The following HYAL4 variants were observed in gnomAD, a reference collection of about 807,000 sequenced individuals.
The protein encoded by HYAL4 is hyaluronidase 4, also known as hyaluronidase-4.
Under a neutral mutation model 35.2 loss-of-function variants are expected in HYAL4, and 37 were observed. The ratio of observed to expected loss-of-function variants is 1.05; its 90% CI spans 0.81 to 1.38. The LOEUF is 1.38. HYAL4 is among the 40% of genes most tolerant of loss of function. The pLI, the probability that HYAL4 is intolerant of heterozygous loss-of-function variation, is 0.00. For missense variants in HYAL4, 572 were observed against 572.4 expected, an observed-to-expected ratio of 1.00 and a Z score of 0.01; for synonymous variants, 198 against 203.2, an observed-to-expected ratio of 0.97 and a Z score of 0.22.
the HYAL4 span, among the ~76,000 whole-genome samples, chr7:123,773,042 C>T: frequency 2.0e-5 from 3 of 152,096 alleles, no homozygotes; most frequent in Non-Finnish European, 4.4e-5. Flanking sequence ...TTTCTTATGT[C>T]ATTGGAACTT....
At chr7:123,771,246 C>T in the HYAL4 span, among the ~76,000 whole-genome samples, 1 of 152,138 alleles carries the variant, frequency 6.6e-6, no homozygotes, top group Non-Finnish European at 1.5e-5. Flanking sequence ...ACGATGTTAA[C>T]TGAATCTCAT....
chr7:123,832,088 A>T (rs1230698253), intron 1 of HYAL4, among the ~76,000 whole-genome samples: 1 of 152,120 alleles, frequency 6.6e-6, no homozygotes, highest in East Asian at 1.9e-4. Flanking sequence ...CTTGGGGTCA[A>T]ATGTCTCTAC....
At chr7:123,765,605 CA>C in the HYAL4 span, among the ~76,000 whole-genome samples, 1 of 151,918 alleles carries the variant, frequency 6.6e-6, no homozygotes. Flanking sequence ...CAATAGAAGG[CA>C]AATATTTATG....
At chr7:123,827,366 A>G (rs78629070), upstream of HYAL4, among the ~76,000 whole-genome samples, 2 of 152,272 alleles carry the variant, frequency 1.3e-5, no homozygotes, top group African/African-American at 2.4e-5. Context: ...GAAGTTGATT[A>G]TATTTGCCAG....
At chr7:123,821,870 T>C in the HYAL4 span, among the ~76,000 whole-genome samples, 3 of 152,172 alleles carry the variant, frequency 2.0e-5, no homozygotes, top group South Asian at 2.1e-4. Flanking sequence ...CCTACAGATA[T>C]CTAGTTTTCC....
chr7:123,868,749 C>G lies in HYAL4; in HGVS notation c.476C>G (p.Ser159Ter). Residue 159 changes from serine to a stop codon, truncating the protein, a stop_gained, in exon 3 of 5, where the codon TCA becomes TGA. Coordinates refer to ENST00000223026, the MANE Select transcript of HYAL4 (RefSeq NM_012269.3). LOFTEE classifies it high-confidence loss of function. ...CCACAGTGGGCCCGGAACTGGAACT[C>G]AAAAGATGTTTACAGACAGAAGTCA... ...WRPQWARNWN[S>*]KDVYRQKSRK... 1.2e-6 allele frequency: 2 copies of G among 1,613,996 alleles called. No homozygotes were observed. The highest frequency in any genetic ancestry group is 1.7e-6 in the Non-Finnish European group (2 of 1,179,994).
At chr7:123,798,251 C>T in the HYAL4 span, among the ~76,000 whole-genome samples, 5 of 152,278 alleles carry the variant, frequency 3.3e-5, no homozygotes, top group Admixed American at 2.6e-4. Flanking sequence ...GAAGTAAGGT[C>T]AAGTGATTAC....
the HYAL4 span, chr7:123,819,574 A>C: frequency 1.3e-5 from 2 of 152,180 alleles, no homozygotes; most frequent in African/African-American, 4.8e-5. Flanking sequence ...AGGGTCTAAC[A>C]TTGAGCACCT....
In HYAL4 at chr7:123,868,920, G is replaced by T. The variant is rs1167541776; in HGVS notation, c.647G>T (p.Gly216Val). The T allele has an allele frequency of 6.2e-7, 1 of 1,614,152 alleles. No individual in the cohort carries two copies. The highest frequency in any genetic ancestry group is 8.5e-7 in the Non-Finnish European group (1 of 1,180,022). ...GIKSRPKGLW[G>V]YYLYPDCHNY... ...AAGAGCCGACCCAAAGGCCTTTGGG[G>T]TTATTATTTATATCCTGATTGCCAC... The change falls in exon 3 of 5, where the codon GGT becomes GTT. Residue 216 changes from glycine (G) to valine (V), a missense_variant. Coordinates refer to ENST00000223026, the MANE Select transcript of HYAL4 (RefSeq NM_012269.3).
chr7:123,848,403 A>G (rs1337446927), intron 2 of HYAL4, among the ~76,000 whole-genome samples: 4 of 152,228 alleles, frequency 2.6e-5, no homozygotes. Context: ...TTTATTTATT[A>G]TAAATCTACA....
intron 4 of HYAL4, 59 bp downstream of exon 4, chr7:123,874,909 T>C: frequency 9.9e-7 from 1 of 1,012,192 alleles, no homozygotes; most frequent in East Asian, 2.4e-5. Flanking sequence ...TTCTCTGCTT[T>C]CTTGGAGAGC....
At chr7:123,811,268 C>G in the HYAL4 span, among the ~76,000 whole-genome samples, 1 of 152,242 alleles carries the variant, frequency 6.6e-6, no homozygotes, top group Non-Finnish European at 1.5e-5. Flanking sequence ...AATTGCCAAA[C>G]TGTCTTGCAA....
chr7:123,811,046 A>G, the HYAL4 span, among the ~76,000 whole-genome samples: 550 of 152,328 alleles, frequency 3.6e-3, 4 homozygotes, highest in African/African-American at 0.013. Flanking sequence ...ACTGAATAAT[A>G]TTCCATTATC....
the HYAL4 span, among the ~76,000 whole-genome samples, chr7:123,794,746 G>T: frequency 2.6e-5 from 4 of 152,252 alleles, no homozygotes; most frequent in African/African-American, 9.6e-5. Flanking sequence ...GAAGTTTGCT[G>T]CAGGGATGAA....
intron 2 of HYAL4, among the ~76,000 whole-genome samples, chr7:123,854,501 G>A (rs528948112): frequency 3.6e-4 from 55 of 152,158 alleles, no homozygotes; most frequent in Non-Finnish European, 6.2e-4. Flanking sequence ...TCAGGAGGAG[G>A]TTGTTCAGTT....
the HYAL4 span, among the ~76,000 whole-genome samples, chr7:123,779,793 G>A: frequency 6.6e-6 from 1 of 151,868 alleles, no homozygotes; most frequent in Non-Finnish European, 1.5e-5. Flanking sequence ...GATTTACATA[G>A]TACCTTTCTT....
chr7:123,763,714 C>T, the HYAL4 span, among the ~76,000 whole-genome samples: 6 of 152,352 alleles, frequency 3.9e-5, no homozygotes, highest in Admixed American at 2.0e-4. Flanking sequence ...GCGAGGACTG[C>T]CAGCATGCTG....
intron 2 of HYAL4, among the ~76,000 whole-genome samples, chr7:123,866,483 A>G (rs900130745): frequency 6.6e-6 from 1 of 152,162 alleles, no homozygotes; most frequent in African/African-American, 2.4e-5. Flanking sequence ...TTGCCTTCCA[A>G]GATACTTATG....
At chr7:123,835,049 T>G (rs986961093) in intron 1 of HYAL4, among the ~76,000 whole-genome samples, 4 of 152,126 alleles carry the variant, frequency 2.6e-5, no homozygotes, top group Non-Finnish European at 5.9e-5. Flanking sequence ...TGTTTTTTTT[T>G]GGTTATGTCC....
Sources: allele counts gnomAD v4.1 joint callset (sites outside exome capture counted in the v4.1 genomes callset), GRCh38; gene constraint gnomAD v4.1.1; transcripts MANE v1.5; gene names NCBI Gene and HGNC (gene_info 2026-07-23, HGNC 2026-07-21).